The following GPM6A variants were observed in gnomAD, a reference collection of about 807,000 sequenced individuals.
The protein encoded by GPM6A is neuronal membrane glycoprotein M6-a.
In GPM6A, 7 loss-of-function variants were observed where a neutral mutation model predicts 32.1. The ratio of observed to expected loss-of-function variants is 0.22; its 90% CI spans 0.12 to 0.41. GPM6A has a LOEUF of 0.41. Ranked by LOEUF, GPM6A falls within the 10% of genes least tolerant of loss-of-function variation. The pLI is 1.00. For synonymous variants in GPM6A, 130 were observed against 123.4 expected (o/e 1.05, Z -0.35); for missense variants, 235 against 347.2 (o/e 0.68, Z 2.57).
At chr4:175,650,109 C>G (rs780882932) in intron 4 of GPM6A, among the ~76,000 whole-genome samples, 42 of 152,072 alleles carry the variant, frequency 2.8e-4, no homozygotes, top group Admixed American at 7.9e-4. Context: ...CCCCAATGTC[C>G]ATATTCCCTC....
chr4:175,976,328 A>ATTTTTTTTTTTTTTTTTTTTTTTTTT (rs34163669), intron 1 of GPM6A, among the ~76,000 whole-genome samples: 11 of 137,332 alleles, frequency 8.0e-5, no homozygotes, highest in African/African-American at 3.3e-4. Flanking sequence ...CGCCTGGCTA[A>ATTTTTTTTTTTTTTTTTTTTTTTTTT]TTTTTTTTTT....
intron 1 of GPM6A, among the ~76,000 whole-genome samples, chr4:175,750,844 A>G (rs561517019): frequency 6.6e-6 from 1 of 152,286 alleles, no homozygotes; most frequent in African/African-American, 2.4e-5. Flanking sequence ...AAGTGCTGGG[A>G]TTACAGGCAT....
At chr4:175,651,591 T>C (rs918061166) in intron 4 of GPM6A, among the ~76,000 whole-genome samples, 4 of 152,160 alleles carry the variant, frequency 2.6e-5, no homozygotes, top group African/African-American at 9.7e-5. Context: ...TATCAGGTAA[T>C]GTGATCTGAC....
intron 2 of GPM6A, among the ~76,000 whole-genome samples, chr4:175,683,671 C>G (rs1743810050): frequency 6.6e-6 from 1 of 152,038 alleles, no homozygotes; most frequent in South Asian, 2.1e-4. Context: ...CTTTAACTCT[C>G]TCTCTCTCCC....
At chr4:175,833,974 G>A (rs962373130) in intron 1 of GPM6A, among the ~76,000 whole-genome samples, 1 of 152,056 alleles carries the variant, frequency 6.6e-6, no homozygotes, top group Admixed American at 6.6e-5. Flanking sequence ...GTGCTGTAAC[G>A]CCGTCTCTGA....
intron 1 of GPM6A, among the ~76,000 whole-genome samples, chr4:175,737,752 G>T (rs1030071351): frequency 6.6e-6 from 1 of 152,110 alleles, no homozygotes; most frequent in Non-Finnish European, 1.5e-5. Context: ...GATGAAGGGC[G>T]AAGGGGAGCA....
chr4:175,704,931 T>TAAAGTGGTA (rs1745090969), intron 1 of GPM6A, among the ~76,000 whole-genome samples: 1 of 152,202 alleles, frequency 6.6e-6, no homozygotes, highest in Non-Finnish European at 1.5e-5. Flanking sequence ...CAGGAGCAGA[T>TAAAGTGGTA]AAAGTGGTAA....
intron 1 of GPM6A, among the ~76,000 whole-genome samples, chr4:175,818,021 G>T (rs1196657483): frequency 6.6e-6 from 1 of 152,034 alleles, no homozygotes; most frequent in East Asian, 1.9e-4. Context: ...TTCTTACCAA[G>T]ACCTTTCCTC....
intron 1 of GPM6A, among the ~76,000 whole-genome samples, chr4:175,825,242 T>C (rs1735397400): frequency 1.3e-5 from 2 of 152,184 alleles, no homozygotes; most frequent in Non-Finnish European, 2.9e-5. Flanking sequence ...TAGGTTACCT[T>C]GGGGTGCAGT....
upstream of GPM6A, chr4:175,812,808 T>C: frequency 2.0e-6 from 2 of 985,386 alleles, no homozygotes; most frequent in Non-Finnish European, 2.4e-6. Flanking sequence ...TCTCACCCAG[T>C]CAGATACGTT....
At chr4:175,789,581 A>G (rs1733929642) in intron 1 of GPM6A, among the ~76,000 whole-genome samples, 1 of 152,226 alleles carries the variant, frequency 6.6e-6, no homozygotes, top group Admixed American at 6.5e-5. Flanking sequence ...AACATGAATA[A>G]CAAAAAAAAC....
intron 1 of GPM6A, among the ~76,000 whole-genome samples, chr4:175,860,523 T>C (rs1736542858): frequency 1.3e-5 from 2 of 152,208 alleles, no homozygotes; most frequent in Admixed American, 1.3e-4. Flanking sequence ...TGAATAGCAC[T>C]ATATTTGTTA....
rs145076860 is a variant in GPM6A, at chr4:175,756,534, G to A, written c.38-54767C>T. Among the ~76,000 whole-genome samples the A allele has an allele frequency of 1.7e-3, 263 of 152,184 alleles. 1 individual carries two copies. Among genetic ancestry groups the A allele is most frequent in the Non-Finnish European group, 2.9e-3 (197 of 67,998 alleles). ...TACTTTGTTTATGAGACTAAGGTAT[G>A]GTGGAACCATTCATTGGGTTTGACA... On this transcript the variant is annotated intron_variant, in intron 1 of 6. Transcript: ENST00000393658.
upstream of GPM6A, chr4:175,812,321 T>TTTTG (rs1734961736): frequency 7.2e-7 from 1 of 1,389,252 alleles, no homozygotes; most frequent in African/African-American, 1.6e-5. Context: ...TTTTTTTTTT[T>TTTTG]TTTTTTTTTT....
At chr4:175,682,928 C>T (rs1447077043) in intron 2 of GPM6A, among the ~76,000 whole-genome samples, 1 of 152,186 alleles carries the variant, frequency 6.6e-6, no homozygotes, top group East Asian at 1.9e-4. Flanking sequence ...TTGGAGCTCC[C>T]ACACAGAGTC....
At chr4:175,637,135 T>C (rs1211011925) in intron 6 of GPM6A, among the ~76,000 whole-genome samples, 1 of 121,734 alleles carries the variant, frequency 8.2e-6, no homozygotes, top group Non-Finnish European at 1.6e-5. Context: ...ATATAATATA[T>C]TATATATGAT....
rs560447430 is a variant in GPM6A at position 175,794,927 on chromosome 4, T to C, written c.37+17264A>G. ...CAATGGAAGCCTTTACGCAACAGAATCCATGAATATATTTTGTTTGAGAGA... is the reference window on the plus strand; with the variant it reads ...CAATGGAAGCCTTTACGCAACAGAACCCATGAATATATTTTGTTTGAGAGA... On this transcript the variant is annotated intron_variant, in intron 1 of 6. Coordinates refer to ENST00000393658, the MANE Select transcript of GPM6A (RefSeq NM_201591.3). 3.3e-5 allele frequency among the ~76,000 whole-genome samples: 5 copies of C among 152,262 alleles called. No homozygotes were observed. The East Asian group carries it at 9.7e-4, about 29-fold the overall frequency.
chr4:175,960,297 G>C (rs1337926080), intron 1 of GPM6A, among the ~76,000 whole-genome samples: 1 of 152,190 alleles, frequency 6.6e-6, no homozygotes, highest in Non-Finnish European at 1.5e-5. Flanking sequence ...GAATTTAGCT[G>C]TTTTGTGGTG....
intron 1 of GPM6A, among the ~76,000 whole-genome samples, chr4:175,821,137 G>T (rs765373367): frequency 6.6e-6 from 1 of 152,016 alleles, no homozygotes; most frequent in Non-Finnish European, 1.5e-5. Flanking sequence ...ACTGTTCTAC[G>T]TCTTCTATAC....
Sources: allele counts gnomAD v4.1 joint callset (sites outside exome capture counted in the v4.1 genomes callset), GRCh38; gene constraint gnomAD v4.1.1; transcripts MANE v1.5; gene names NCBI Gene and HGNC (gene_info 2026-07-23, HGNC 2026-07-21).